The following PSG7 variants were observed in gnomAD, a reference collection of about 807,000 sequenced individuals.
The protein encoded by PSG7 is pregnancy specific beta-1-glycoprotein 7, also known as pregnancy-specific beta-1-glycoprotein 7.
Under a neutral mutation model 45.6 loss-of-function variants are expected in PSG7, and 57 were observed. That is an observed-to-expected ratio of 1.25 (90% confidence interval 1.01 to 1.56). The LOEUF is 1.56. Among genes scored for constraint, PSG7 ranks in the 40% most tolerant of loss-of-function variants. The pLI, the probability that PSG7 is intolerant of heterozygous loss-of-function variation, is 0.00. For synonymous variants in PSG7, 298 were observed against 194.4 expected, an observed-to-expected ratio of 1.53 and a Z score of -4.43; for missense variants, 796 against 508.4, an observed-to-expected ratio of 1.57 and a Z score of -5.44.
chr19:42,932,376 T>C (rs2054563451), intron 2 of PSG7, among the ~76,000 whole-genome samples: 1 of 151,524 alleles, frequency 6.6e-6, no homozygotes, highest in South Asian at 2.1e-4. Context: ...TTTTACTTAG[T>C]GTTAGAACCG....
rs550989823 is a variant in PSG7 at position 42,930,027 on chromosome 19, A to G, written c.431-307T>C. ...GCCTCTCTGAGTCCCTCCATCTCCA[A>G]CTGCCTGCCTGGCCCACCTTGTGGT... On this transcript the variant is annotated intron_variant, in intron 2 of 5. Transcript: ENST00000406070. Among the ~76,000 whole-genome samples the G allele has an allele frequency of 3.3e-5, 5 of 151,652 alleles. No individual in the cohort carries two copies. The South Asian group carries it at 6.3e-4, about 19-fold the overall frequency.
At position 42,924,653 on chromosome 19, in the gene PSG7, G is replaced by A. The variant is rs1245774990; in HGVS notation, c.*155C>T. ...TGTTGTTATGGTGTTGAACATTTTG[G>A]TGAGTTCTGAGTGGCTCAGACATCA... On this transcript the variant is annotated 3_prime_UTR_variant, in exon 6 of 6. Transcript: ENST00000406070. The A allele has an allele frequency of 1.4e-6, 1 of 722,246 alleles. No homozygotes were observed. The highest frequency in any genetic ancestry group is 2.5e-5 in the East Asian group (1 of 40,586). The allele number at this position is 722,246 out of a possible 1,614,324, so 44.7% of individuals were successfully genotyped here. A position where few individuals can be genotyped will look rare whatever the true frequency, so the allele number is the denominator to read the frequency against.
chr19:42,933,016 C>T (rs534497899), intron 2 of PSG7, among the ~76,000 whole-genome samples: 2 of 150,220 alleles, frequency 1.3e-5, no homozygotes, highest in East Asian at 2.0e-4. Context: ...ACTAATGGCT[C>T]AGCCAGTCAT....
At chr19:42,928,798 G>C (rs895905725) in intron 3 of PSG7, among the ~76,000 whole-genome samples, 1 of 151,456 alleles carries the variant, frequency 6.6e-6, no homozygotes, top group Non-Finnish European at 1.5e-5. Context: ...CAGGGACTAT[G>C]ATCCTCTTGA....
chr19:42,933,810 C>A (rs1221626803), intron 2 of PSG7, among the ~76,000 whole-genome samples: 2 of 151,062 alleles, frequency 1.3e-5, no homozygotes, highest in Non-Finnish European at 3.0e-5. Flanking sequence ...TTTCCACAGT[C>A]CAGGACCAAG....
In PSG7 at chr19:42,935,443, T is replaced by C. The variant is rs1568460853; in HGVS notation, c.391A>G (p.Thr131Ala). Residue 131 changes from threonine to alanine, a missense_variant, in exon 2 of 6, where the codon ACT becomes GCT. Transcript: ENST00000406070. ...TLHIIKRGDG[T>A]GGVTGRFTFT... is the part of the protein sequence containing the mutation. ...GTGAAACGTCCAGTTACTCCTCCAG[T>C]CCCATCACCTCGCTTTATGATGTGT... The C allele has an allele frequency of 6.2e-7, 1 of 1,612,140 alleles. No individual in the cohort carries two copies. Among genetic ancestry groups the C allele is most frequent in the Non-Finnish European group, 8.5e-7 (1 of 1,178,986 alleles).
intron 4 of PSG7, 97 bp from the exon 5 acceptor site, chr19:42,926,124 AC>A (rs1185249416): frequency 6.5e-7 from 1 of 1,532,844 alleles, no homozygotes; most frequent in East Asian, 2.3e-5. Context: ...GAGCCGAGAC[AC>A]ACCCTCAAGT....
At chr19:42,935,876 AC>A in intron 1 of PSG7, 107 bp from the exon 2 acceptor site, 1 of 338,028 alleles carries the variant, frequency 3.0e-6, no homozygotes, top group Non-Finnish European at 4.0e-6. Flanking sequence ...CCTTGAAGAC[AC>A]ACACACACAC....
At chr19:42,930,028 C>G (rs1374940513) in intron 2 of PSG7, among the ~76,000 whole-genome samples, 3 of 151,816 alleles carry the variant, frequency 2.0e-5, no homozygotes, top group East Asian at 1.9e-4. Context: ...CCATCTCCAA[C>G]TGCCTGCCTG....
rs145886710 is a variant in PSG7 at position 42,930,474 on chromosome 19, T to A, written c.431-754A>T. Reference sequence around the variant, plus strand: ...TGGGTCCATGATGCTCCCTTTCCCCTGTAGAGGGCAGGTGAGGACCATGTG... The same window carrying A: ...TGGGTCCATGATGCTCCCTTTCCCCAGTAGAGGGCAGGTGAGGACCATGTG... On this transcript the variant is annotated intron_variant, in intron 2 of 5. Transcript: ENST00000406070. Among the ~76,000 whole-genome samples, 187 of 151,804 alleles carry A rather than the reference T, an allele frequency of 1.2e-3. 1 individual carries two copies. Among genetic ancestry groups the A allele is most frequent in the African/African-American group, 4.1e-3 (171 of 41,364 alleles).
In PSG7 at chr19:42,937,046, G is replaced by C. The variant is rs774723117; in HGVS notation, c.31C>G (p.Gln11Glu). 1.6e-5 allele frequency: 26 copies of C among 1,611,504 alleles called. 1 individual carries two copies. Among genetic ancestry groups the C allele is most frequent in the Middle Eastern group, 1.6e-4 (1 of 6,064 alleles). Residue 11 changes from glutamine to glutamate, a missense_variant, in exon 1 of 6, where the codon CAG becomes GAG. By Grantham distance (29) the Gln-to-Glu change is conservative. Transcript: ENST00000406070. MGPLSAPPCT[Q>E]HITWKGLLLT... ...AGGAGCCCTTTCCAGGTTATATGCTGTGTGCAGGGAGGGGCTGAGAGGGGC... is the reference window on the plus strand; with the variant it reads ...AGGAGCCCTTTCCAGGTTATATGCTCTGTGCAGGGAGGGGCTGAGAGGGGC...
intron 2 of PSG7, among the ~76,000 whole-genome samples, chr19:42,930,015 C>T (rs1035354648): frequency 4.0e-5 from 6 of 151,556 alleles, no homozygotes; most frequent in African/African-American, 1.2e-4. Flanking sequence ...TCTCTGAGTC[C>T]CTCCATCTCC....
chr19:42,925,680 G>C, intron 5 of PSG7, 93 bp downstream of exon 5: 2 of 1,599,788 alleles, frequency 1.3e-6, no homozygotes, highest in Non-Finnish European at 1.7e-6. Context: ...ATGGGACACA[G>C]GCTGGGAATA....
intron 1 of PSG7, chr19:42,936,572 A>C (rs529231989): frequency 1.1e-4 from 18 of 168,468 alleles, no homozygotes; most frequent in East Asian, 1.8e-4. Flanking sequence ...TGACTTTCCT[A>C]TTTTGACCCC....
Position 42,929,804 on chromosome 19 carries a change from C to T in PSG7, c.431-84G>A, listed in dbSNP as rs1441846086. The stretch of plus-strand genomic sequence containing the variant: ...ATTTTTCAATCAGAGTTGGCATTTC[C>T]AACCTCTCAGCCCACCCAAGTCCTT... On this transcript the variant is annotated intron_variant, in intron 2 of 5. Transcript: ENST00000406070. 112 of 1,528,456 alleles carry T rather than the reference C, an allele frequency of 7.3e-5. 2 individuals carry two copies. Among genetic ancestry groups the T allele is most frequent in the Non-Finnish European group, 9.3e-5 (105 of 1,129,572 alleles). The allele number at this position is 1,528,456 out of a possible 1,614,324, so 94.7% of individuals were successfully genotyped here.
At chr19:42,929,278 C>G in intron 3 of PSG7, 164 bp downstream of exon 3, 1 of 1,488,020 alleles carries the variant, frequency 6.7e-7, no homozygotes, top group Non-Finnish European at 9.1e-7. Context: ...GTGGATCAAG[C>G]CTAGGCCTAC....
chr19:42,928,641 A>G (rs1407927186), intron 3 of PSG7, among the ~76,000 whole-genome samples: 1 of 151,446 alleles, frequency 6.6e-6, no homozygotes, highest in African/African-American at 2.4e-5. Flanking sequence ...GGTACAGGCA[A>G]AACCTGGTGG....
intron 2 of PSG7, 134 bp from the exon 3 acceptor site, chr19:42,929,854 T>C: frequency 7.3e-7 from 1 of 1,364,768 alleles, no homozygotes. Flanking sequence ...GGTGTGTGTG[T>C]TACAAGACAG....
chr19:42,932,255 C>T (rs138457398), intron 2 of PSG7, among the ~76,000 whole-genome samples: 5 of 151,546 alleles, frequency 3.3e-5, no homozygotes, highest in African/African-American at 1.2e-4. Flanking sequence ...TATCTCCTGA[C>T]CTTGTGCCTG....
Sources: allele counts gnomAD v4.1 joint callset (sites outside exome capture counted in the v4.1 genomes callset), GRCh38; gene constraint gnomAD v4.1.1; transcripts MANE v1.5; gene names NCBI Gene and HGNC (gene_info 2026-07-23, HGNC 2026-07-21).